Variants in NRG3 observed in about 807,000 individuals in gnomAD.
The protein encoded by NRG3 is pro-neuregulin-3, membrane-bound isoform.
A neutral mutation model predicts 66.9 loss-of-function variants in NRG3; 31 were observed. The ratio of observed to expected loss-of-function variants is 0.46; its 90% CI spans 0.35 to 0.63. The LOEUF (loss-of-function observed/expected upper bound fraction) is 0.63, where lower values mean the gene tolerates loss of function less well. Among genes scored for constraint, NRG3 ranks in the 20% least tolerant of loss-of-function variants. The probability of loss-of-function intolerance (pLI) is 0.00; values close to 1 mark genes in which losing one functional copy is unlikely to be tolerated. For missense variants in NRG3, 910 were observed against 878.9 expected (o/e 1.04, Z -0.45); for synonymous variants, 393 against 359.4 (o/e 1.09, Z -1.06).
chr10:82,254,338 C>G (rs989173882), intron 1 of NRG3, among the ~76,000 whole-genome samples: 2 of 152,118 alleles, frequency 1.3e-5, no homozygotes, highest in Non-Finnish European at 2.9e-5. Flanking sequence ...CCTCCCAGAA[C>G]CTAATTTCCT....
intron 2 of NRG3, among the ~76,000 whole-genome samples, chr10:82,374,930 C>A (rs950846271): frequency 6.6e-6 from 1 of 152,152 alleles, no homozygotes; most frequent in Non-Finnish European, 1.5e-5. Context: ...CACATACCTA[C>A]CAAATAAGAA....
rs11812695 is a variant in NRG3 at position 82,677,653 on chromosome 10, A to G, written c.954-60924A>G. The stretch of plus-strand genomic sequence containing the variant: ...GGGGCAAATTGTATGCATCTGCAAT[A>G]CTACCTCAATTCTTGATCCTCAGAA... On this transcript the variant is annotated intron_variant, in intron 2 of 8. Coordinates refer to ENST00000372141, the MANE Select transcript of NRG3 (RefSeq NM_001010848.4). 8.9e-3 allele frequency among the ~76,000 whole-genome samples: 1,358 copies of G among 152,256 alleles called. 24 individuals carry two copies. Among genetic ancestry groups the G allele is most frequent in the African/African-American group, 0.027 (1,127 of 41,544 alleles).
chr10:82,763,033 T>G (rs2059388836), intron 3 of NRG3, among the ~76,000 whole-genome samples: 1 of 152,210 alleles, frequency 6.6e-6, no homozygotes, highest in Non-Finnish European at 1.5e-5. Flanking sequence ...AGTGACAACA[T>G]TTATACACTA....
chr10:82,366,414 GT>G (rs2084528125), intron 2 of NRG3, among the ~76,000 whole-genome samples: 1 of 152,126 alleles, frequency 6.6e-6, no homozygotes, highest in East Asian at 1.9e-4. Flanking sequence ...CCTGTCTACT[GT>G]ATATTCTCAG....
intron 3 of NRG3, among the ~76,000 whole-genome samples, chr10:82,839,542 AT>A (rs998900733): frequency 1.8e-4 from 28 of 151,700 alleles, no homozygotes; most frequent in African/African-American, 5.8e-4. Flanking sequence ...TTTCTTTTAT[AT>A]TTTTTAATCT....
intron 2 of NRG3, among the ~76,000 whole-genome samples, chr10:82,586,215 A>G (rs752184035): frequency 2.0e-5 from 3 of 148,600 alleles, no homozygotes; most frequent in Non-Finnish European, 4.4e-5. Flanking sequence ...TGTACCCCTA[A>G]ATCTAAAATA....
At chr10:82,215,753 G>A (rs758725907) in intron 1 of NRG3, among the ~76,000 whole-genome samples, 5 of 152,030 alleles carry the variant, frequency 3.3e-5, no homozygotes, top group Non-Finnish European at 4.4e-5. Flanking sequence ...TACAAAATTT[G>A]ATATTTCTGA....
At chr10:82,126,256 AATTT>A (rs1479551028) in intron 1 of NRG3, among the ~76,000 whole-genome samples, 1 of 152,136 alleles carries the variant, frequency 6.6e-6, no homozygotes, top group Non-Finnish European at 1.5e-5. Flanking sequence ...TAGGAAAATA[AATTT>A]ATTTTTCTTT....
chr10:82,524,398 T>C (rs1045344054), intron 2 of NRG3, among the ~76,000 whole-genome samples: 18 of 151,958 alleles, frequency 1.2e-4, no homozygotes, highest in Non-Finnish European at 1.8e-4. Context: ...CATAATTGTT[T>C]TCCTTATTCA....
At chr10:81,974,933 A>G (rs1316756417) in intron 1 of NRG3, among the ~76,000 whole-genome samples, 2 of 152,172 alleles carry the variant, frequency 1.3e-5, no homozygotes, top group African/African-American at 4.8e-5. Context: ...AACGTCTTAA[A>G]ATCAACTGAA....
At chr10:81,989,014 G>C (rs1184020335) in intron 1 of NRG3, among the ~76,000 whole-genome samples, 2 of 152,126 alleles carry the variant, frequency 1.3e-5, no homozygotes, top group Non-Finnish European at 2.9e-5. Context: ...GAATGGACTA[G>C]GGTGGTTAGA....
chr10:82,237,343 A>G (rs1489051734), intron 1 of NRG3, among the ~76,000 whole-genome samples: 3 of 152,174 alleles, frequency 2.0e-5, no homozygotes, highest in Admixed American at 6.5e-5. Context: ...TTAAAATTAT[A>G]CTGTTGGAGA....
At chr10:82,887,070 A>G (rs527622382) in intron 4 of NRG3, among the ~76,000 whole-genome samples, 1 of 152,320 alleles carries the variant, frequency 6.6e-6, no homozygotes, top group South Asian at 2.1e-4. Flanking sequence ...ATCTGGCTAA[A>G]GATGCAGTGT....
chr10:82,621,517 G>A (rs968335859), intron 2 of NRG3, among the ~76,000 whole-genome samples: 5 of 152,194 alleles, frequency 3.3e-5, no homozygotes, highest in South Asian at 2.1e-4. Context: ...TAAGCAGTGC[G>A]TGTTGGCTGT....
At chr10:82,478,002 C>A (rs1590272093) in intron 2 of NRG3, among the ~76,000 whole-genome samples, 1 of 152,052 alleles carries the variant, frequency 6.6e-6, no homozygotes, top group East Asian at 1.9e-4. Flanking sequence ...GTCAGAAATC[C>A]CCAATCAAAT....
chr10:82,060,177 A>G (rs1395868350), intron 1 of NRG3, among the ~76,000 whole-genome samples: 1 of 152,260 alleles, frequency 6.6e-6, no homozygotes. Context: ...CTGTTGCTAT[A>G]GTAGTCACTT....
intron 3 of NRG3, among the ~76,000 whole-genome samples, chr10:82,845,387 G>A (rs1373805133): frequency 2.0e-5 from 3 of 152,208 alleles, no homozygotes; most frequent in Middle Eastern, 6.8e-3. Flanking sequence ...TCCTGAAGAG[G>A]CCAGATGATT....
chr10:82,617,329 C>A (rs557457275), intron 2 of NRG3, among the ~76,000 whole-genome samples: 269 of 150,560 alleles, frequency 1.8e-3, no homozygotes, highest in Non-Finnish European at 3.2e-3. Context: ...CATAGACACA[C>A]ACACACACAG....
At chr10:82,578,937 G>A (rs1037591102) in intron 2 of NRG3, among the ~76,000 whole-genome samples, 1 of 151,788 alleles carries the variant, frequency 6.6e-6, no homozygotes, top group Non-Finnish European at 1.5e-5. Context: ...TTTTTTAAAT[G>A]TGACCTCTAT....
Sources: allele counts gnomAD v4.1 joint callset (sites outside exome capture counted in the v4.1 genomes callset), GRCh38; gene constraint gnomAD v4.1.1; transcripts MANE v1.5; gene names NCBI Gene and HGNC (gene_info 2026-07-23, HGNC 2026-07-21).